Variants in SUPT20H observed in about 807,000 individuals in gnomAD.
SUPT20H encodes the protein transcription factor SPT20 homolog.
A neutral mutation model predicts 122.8 loss-of-function variants in SUPT20H; 82 were observed. The observed-to-expected ratio is 0.67, with a 90% CI of 0.56 to 0.80. The LOEUF (loss-of-function observed/expected upper bound fraction) is 0.80. SUPT20H is among the 30% of genes least tolerant of loss of function. The pLI is 0.00. For missense variants in SUPT20H, 831 were observed against 921.6 expected, an observed-to-expected ratio of 0.90 and a Z score of 1.27; for synonymous variants, 291 against 313.0, an observed-to-expected ratio of 0.93 and a Z score of 0.74.
In SUPT20H at chr13:37,051,352, C is replaced by G. The variant is rs577548617; in HGVS notation, c.3+136G>C. 375 of 789,178 alleles carry G rather than the reference C, an allele frequency of 4.8e-4. 1 individual carries two copies. Among genetic ancestry groups the G allele is most frequent in the African/African-American group, 3.8e-3 (222 of 58,058 alleles). The allele number at this position is 789,178 out of a possible 1,614,324, so 48.9% of individuals were successfully genotyped here. On this transcript the variant is annotated intron_variant, in intron 2 of 25. Coordinates refer to ENST00000350612, the MANE Select transcript of SUPT20H (RefSeq NM_001014286.3). ...TAGAGAAGACTTTGCAATGGGATTG[C>G]TAAGTAATTTCCCAGTTGGGATAAC...
intron 1 of SUPT20H, among the ~76,000 whole-genome samples, chr13:37,052,029 G>A (rs2067836765): frequency 6.6e-6 from 1 of 151,878 alleles, no homozygotes; most frequent in African/African-American, 2.4e-5. Context: ...TTATTAATAA[G>A]AGAGGACACA....
At position 37,024,384 on chromosome 13, in the gene SUPT20H, G is replaced by A; in HGVS notation, c.1388C>T (p.Pro463Leu). Residue 463 changes from proline (P) to leucine (L), a missense_variant, in exon 18 of 26, where the codon CCC becomes CTC. By Grantham distance (98) the Pro-to-Leu change is moderately conservative. Transcript: ENST00000350612. ...GCTTGAGGGAAGTTTGATTGGTGGG[G>A]GTCGATGTTTTACACCCTTCCCCAA... is the stretch of plus-strand genomic sequence containing the variant. Reference protein sequence around the residue: ...SVLGKGVKHRPPPIKLPSSSG... With the variant: ...SVLGKGVKHRLPPIKLPSSSG... 1 of 1,592,480 alleles carries A rather than the reference G, an allele frequency of 6.3e-7. No individual in the cohort carries two copies. The highest frequency in any genetic ancestry group is 1.2e-5 in the South Asian group (1 of 86,236).
rs755910880 is a variant in SUPT20H, at chr13:37,012,296, C to T, written c.1994G>A (p.Gly665Asp). ...TTGACTGGTTGAACCTTGCTCAGAA[C>T]CCTGAATAAAAAAATAATAAATGAC... is the stretch of plus-strand genomic sequence containing the variant. ...TCSPQQPGEQ[G>D]SEQGSTSQEQ... Residue 665 changes from glycine (G) to aspartate (D), a missense_variant and splice_region_variant, in exon 24 of 26, where the codon GGT becomes GAT. Coordinates refer to ENST00000350612, the MANE Select transcript of SUPT20H (RefSeq NM_001014286.3). 1.8e-5 allele frequency: 29 copies of T among 1,607,900 alleles called. No homozygotes were observed. The South Asian group carries it at 1.9e-4, about 10-fold the overall frequency.
At chr13:37,041,099 C>CA (rs1222560361) in intron 7 of SUPT20H, among the ~76,000 whole-genome samples, 2 of 152,200 alleles carry the variant, frequency 1.3e-5, no homozygotes, top group Admixed American at 6.5e-5. Flanking sequence ...AATTGCCAAC[C>CA]AACCTTGCCA....
chr13:37,028,685 G>A (rs1219870890), intron 13 of SUPT20H, among the ~76,000 whole-genome samples: 1 of 151,810 alleles, frequency 6.6e-6, no homozygotes, highest in Non-Finnish European at 1.5e-5. Context: ...TATTTTCATG[G>A]TTGGCACTGT....
At chr13:37,040,320 T>C in intron 9 of SUPT20H, 85 bp downstream of exon 9, 1 of 1,189,692 alleles carries the variant, frequency 8.4e-7, no homozygotes, top group Non-Finnish European at 1.2e-6. Context: ...TGAATAAAAA[T>C]AAGCAGAAAA....
Position 37,047,853 on chromosome 13 carries a change from G to C in SUPT20H, c.98+25C>G, listed in dbSNP as rs9576157. 5 of 1,587,362 alleles carry C rather than the reference G, an allele frequency of 3.1e-6. No individual in the cohort carries two copies. In the African/African-American group the frequency reaches 5.4e-5, roughly 17 times the overall value. Reference sequence around the variant, plus strand: ...TATCATCATATTTCAATGAATCTAAGATGTTACCAATTAATTATTCATACC... The same window carrying C: ...TATCATCATATTTCAATGAATCTAACATGTTACCAATTAATTATTCATACC... On this transcript the variant is annotated intron_variant, in intron 4 of 25. Transcript: ENST00000350612.
At chr13:37,028,562 C>T (rs1405923690) in intron 13 of SUPT20H, among the ~76,000 whole-genome samples, 1 of 151,986 alleles carries the variant, frequency 6.6e-6, no homozygotes, top group Non-Finnish European at 1.5e-5. Context: ...ACATATGTAA[C>T]AATATTAATA....
rs574526824 is a variant in SUPT20H, at chr13:37,038,425, T to G, written c.567+1980A>C. ...ATCAATCTTCAGAGTAAGAATCTGA[T>G]GCCCTAGCAAACTCTGATGGTAACC... On this transcript the variant is annotated intron_variant, in intron 9 of 25. Transcript: ENST00000350612. The G allele has an allele frequency of 1.8e-4, 27 of 152,346 alleles. No individual in the cohort carries two copies. The South Asian group carries it at 5.0e-3, about 28-fold the overall frequency. The allele number at this position is 152,346 out of a possible 1,614,324, so 9.4% of individuals were successfully genotyped here.
At chr13:37,029,079 T>C (rs2062826272) in intron 13 of SUPT20H, among the ~76,000 whole-genome samples, 1 of 152,146 alleles carries the variant, frequency 6.6e-6, no homozygotes, top group South Asian at 2.1e-4. Context: ...ATTACACCTA[T>C]TCCTCTCTTT....
chr13:37,029,735 T>G (rs369192079), intron 13 of SUPT20H, 30 bp downstream of exon 13: 6 of 1,582,512 alleles, frequency 3.8e-6, no homozygotes, highest in East Asian at 4.6e-5. Context: ...ATGGCATAAT[T>G]AGAAACAGAG....
In SUPT20H at chr13:37,019,412, T is replaced by G. The variant is rs111687213; in HGVS notation, c.1817-15A>C. 3 of 1,586,436 alleles carry G rather than the reference T, an allele frequency of 1.9e-6. No individual in the cohort carries two copies. The South Asian group carries it at 3.5e-5, about 18-fold the overall frequency. ...AAATGGAACACCTGTTAAATAAAAC[T>G]CATGGTTATAACAGAATTGAAAGTT... On this transcript the variant is annotated splice_polypyrimidine_tract_variant and intron_variant, in intron 21 of 25. Coordinates refer to ENST00000350612, the MANE Select transcript of SUPT20H (RefSeq NM_001014286.3).
chr13:37,044,087 T>G lies in SUPT20H; in HGVS notation c.387A>C (p.Glu129Asp), dbSNP rs753199586. 3 of 1,611,126 alleles carry G rather than the reference T, an allele frequency of 1.9e-6. No individual in the cohort carries two copies. Among genetic ancestry groups the G allele is most frequent in the Non-Finnish European group, 2.5e-6 (3 of 1,178,656 alleles). Residue 129 changes from glutamate (E) to aspartate (D), a missense_variant, in exon 7 of 26, where the codon GAA becomes GAC. Transcript: ENST00000350612. ...ELPPILVDLL[E>D]KSQVNIFHCG... ...GACAAAAATTTTGTACCTGAGATTT[T>G]TCTAGGAGATCAACCAAAATAGGAG... is the stretch of plus-strand genomic sequence containing the variant.
In SUPT20H at chr13:37,010,477, AAAGC is replaced by A. The variant is rs1275635843; in HGVS notation, c.2202+71_2202+74del. On this transcript the variant is annotated intron_variant, in intron 25 of 25. Transcript: ENST00000350612. ...TCTTAAAAGACAGTAAAATAAAACTAAAGCAAGTTATTTTGAGGTACTTTTGGAG... is the reference window on the plus strand; with the variant it reads ...TCTTAAAAGACAGTAAAATAAAACTAAAGTTATTTTGAGGTACTTTTGGAG... 88 of 1,325,708 alleles carry A rather than the reference AAAGC, an allele frequency of 6.6e-5. No homozygotes were observed. In the Middle Eastern group the frequency reaches 1.1e-3, roughly 17 times the overall value. 82.1% of individuals were successfully genotyped at this position (1,325,708 alleles called of 1,614,324 possible). A position where few individuals can be genotyped will look rare whatever the true frequency, so the allele number is the denominator to read the frequency against.
chr13:37,049,767 A>C (rs925303694), intron 2 of SUPT20H, among the ~76,000 whole-genome samples: 1 of 152,090 alleles, frequency 6.6e-6, no homozygotes, highest in African/African-American at 2.4e-5. Context: ...CAAACAAATA[A>C]AACAAAACCC....
At chr13:37,032,186 T>C (rs935029924) in intron 10 of SUPT20H, among the ~76,000 whole-genome samples, 5 of 150,056 alleles carry the variant, frequency 3.3e-5, no homozygotes, top group Admixed American at 3.3e-4. Flanking sequence ...AGCAAAAGAG[T>C]ACTGTGGAGA....
At chr13:37,035,448 G>T (rs2064167989) in intron 9 of SUPT20H, among the ~76,000 whole-genome samples, 1 of 151,990 alleles carries the variant, frequency 6.6e-6, no homozygotes, top group African/African-American at 2.4e-5. Context: ...AGAGCCTGAA[G>T]ATGTGACTGA....
At chr13:37,020,852 G>A (rs532327098) in intron 21 of SUPT20H, among the ~76,000 whole-genome samples, 5 of 152,242 alleles carry the variant, frequency 3.3e-5, no homozygotes, top group Non-Finnish European at 7.4e-5. Flanking sequence ...CTGTTTTCCT[G>A]TATAGGTAAT....
Position 37,009,720 on chromosome 13 carries a change from C to T in SUPT20H, c.2292G>A (p.Gln764=), listed in dbSNP as rs1406927441. The T allele has an allele frequency of 6.2e-7, 1 of 1,614,064 alleles. No individual in the cohort carries two copies. Among genetic ancestry groups the T allele is most frequent in the South Asian group, 1.1e-5 (1 of 91,066 alleles). The change falls in exon 26 of 26, where the codon CAG becomes CAA. Residue 764 remains glutamine (Q), a synonymous_variant. Transcript: ENST00000350612. ...QLHHHRHTGS[Q]SKSKMKRGTP... is the part of the protein sequence containing the mutation. ...TGCCTCTCTTCATTTTACTTTTTGA[C>T]TGGCTGCCTGTATGCCGATGATGAT...
Sources: allele counts gnomAD v4.1 joint callset (sites outside exome capture counted in the v4.1 genomes callset), GRCh38; gene constraint gnomAD v4.1.1; transcripts MANE v1.5; gene names NCBI Gene and HGNC (gene_info 2026-07-23, HGNC 2026-07-21).